CCBE1: variants seen among roughly 807,000 people sequenced by gnomAD.
CCBE1 encodes collagen and calcium binding EGF domains 1.
CCBE1 carries 37 observed loss-of-function variants against 50.0 expected under a neutral mutation model. The ratio of observed to expected loss-of-function variants is 0.74; its 90% CI spans 0.57 to 0.97. The LOEUF (loss-of-function observed/expected upper bound fraction) is 0.97. CCBE1 is among the 50% of genes least tolerant of loss of function. CCBE1 has a pLI of 0.00. For missense variants in CCBE1, 538 were observed against 523.8 expected, an observed-to-expected ratio of 1.03 and a Z score of -0.26; for synonymous variants, 234 against 203.7, an observed-to-expected ratio of 1.15 and a Z score of -1.27.
At chr18:59,536,699 G>A (rs1915262154) in intron 2 of CCBE1, among the ~76,000 whole-genome samples, 2 of 152,086 alleles carry the variant, frequency 1.3e-5, no homozygotes, top group Admixed American at 1.3e-4. Context: ...AGAAAATAAA[G>A]GAACATTTGG....
chr18:59,546,532 C>T (rs1915690175), intron 2 of CCBE1, among the ~76,000 whole-genome samples: 2 of 152,294 alleles, frequency 1.3e-5, no homozygotes, highest in South Asian at 2.1e-4. Flanking sequence ...CAGGAAAGGC[C>T]ATATGAAGAA....
intron 2 of CCBE1, among the ~76,000 whole-genome samples, chr18:59,631,377 T>C (rs563567653): frequency 1.3e-5 from 2 of 152,276 alleles, no homozygotes; most frequent in African/African-American, 2.4e-5. Flanking sequence ...ACTTCCTTTG[T>C]TGGCTGTGAA....
chr18:59,553,535 A>T lies in CCBE1; in HGVS notation c.213-73297T>A, dbSNP rs899050395. Among the ~76,000 whole-genome samples the T allele has an allele frequency of 2.0e-5, 3 of 152,310 alleles. No homozygotes were observed. The East Asian group carries it at 5.8e-4, about 29-fold the overall frequency. On this transcript the variant is annotated intron_variant, in intron 2 of 10. Coordinates refer to ENST00000439986, the MANE Select transcript of CCBE1 (RefSeq NM_133459.4). ...GAGTCGTAGCTGCTGGGAAATGTTG[A>T]TAGTGCCTTTTCAATAGCATCATAA...
chr18:59,632,198 G>C (rs986665028), intron 2 of CCBE1, among the ~76,000 whole-genome samples: 4 of 152,142 alleles, frequency 2.6e-5, no homozygotes, highest in African/African-American at 9.7e-5. Flanking sequence ...CCCAAAAATG[G>C]CACAATGGCC....
At chr18:59,644,718 T>C (rs2054032544) in intron 2 of CCBE1, among the ~76,000 whole-genome samples, 1 of 151,944 alleles carries the variant, frequency 6.6e-6, no homozygotes, top group Non-Finnish European at 1.5e-5. Context: ...CTCCTATTTC[T>C]CCCCCCACAC....
intron 2 of CCBE1, among the ~76,000 whole-genome samples, chr18:59,668,893 C>A (rs148281257): frequency 1.5e-5 from 2 of 137,558 alleles, no homozygotes; most frequent in Admixed American, 1.6e-4. Flanking sequence ...GATGTGATCT[C>A]GGCTCACTGC....
At chr18:59,492,604 G>A (rs1194768967) in intron 2 of CCBE1, among the ~76,000 whole-genome samples, 9 of 152,152 alleles carry the variant, frequency 5.9e-5, no homozygotes, top group East Asian at 1.9e-4. Flanking sequence ...ACAATGTGAC[G>A]TCAATGCCCT....
At chr18:59,471,552 A>T (rs1912035417) in intron 3 of CCBE1, among the ~76,000 whole-genome samples, 1 of 152,180 alleles carries the variant, frequency 6.6e-6, no homozygotes, top group South Asian at 2.1e-4. Context: ...CTTCTTGAAG[A>T]CCTTTTTGTC....
At chr18:59,635,768 AAT>A (rs1448541523) in intron 2 of CCBE1, among the ~76,000 whole-genome samples, 1 of 152,138 alleles carries the variant, frequency 6.6e-6, no homozygotes, top group Non-Finnish European at 1.5e-5. Flanking sequence ...AGGAAAGTAA[AAT>A]AAAGGCAGCA....
At chr18:59,527,882 C>T (rs1914891663) in intron 2 of CCBE1, among the ~76,000 whole-genome samples, 1 of 152,154 alleles carries the variant, frequency 6.6e-6, no homozygotes, top group Non-Finnish European at 1.5e-5. Context: ...TGTAGGTGAC[C>T]TAGTGTTTCT....
chr18:59,494,090 C>T (rs1203690157), intron 2 of CCBE1, among the ~76,000 whole-genome samples: 1 of 152,190 alleles, frequency 6.6e-6, no homozygotes, highest in Non-Finnish European at 1.5e-5. Context: ...AATGGACTAA[C>T]ACACCTGGCT....
intron 2 of CCBE1, among the ~76,000 whole-genome samples, chr18:59,486,689 G>C (rs988850210): frequency 2.6e-5 from 4 of 152,152 alleles, no homozygotes; most frequent in African/African-American, 9.7e-5. Flanking sequence ...AGAAGCACCA[G>C]CTATTAAGGA....
intron 2 of CCBE1, among the ~76,000 whole-genome samples, chr18:59,511,766 T>C (rs1227677916): frequency 6.6e-6 from 1 of 152,230 alleles, no homozygotes; most frequent in African/African-American, 2.4e-5. Flanking sequence ...ATTGATGTCA[T>C]CAGCAGGCTG....
chr18:59,665,823 A>G (rs1040389915), intron 2 of CCBE1, among the ~76,000 whole-genome samples: 14 of 152,200 alleles, frequency 9.2e-5, no homozygotes, highest in Non-Finnish European at 1.2e-4. Flanking sequence ...TTTGCTTTGC[A>G]GCTATTACTG....
At chr18:59,562,377 T>C (rs1185761698) in intron 2 of CCBE1, among the ~76,000 whole-genome samples, 1 of 152,088 alleles carries the variant, frequency 6.6e-6, no homozygotes, top group African/African-American at 2.4e-5. Context: ...GGTAATCCTC[T>C]CCCACCACAG....
intron 2 of CCBE1, among the ~76,000 whole-genome samples, chr18:59,519,995 T>G (rs1289019179): frequency 6.6e-6 from 1 of 152,214 alleles, no homozygotes; most frequent in African/African-American, 2.4e-5. Context: ...ATGTGTGGTG[T>G]TATTTCTGAG....
chr18:59,512,425 G>A (rs952337317), intron 2 of CCBE1, among the ~76,000 whole-genome samples: 15 of 152,240 alleles, frequency 9.9e-5, no homozygotes, highest in African/African-American at 3.6e-4. Flanking sequence ...GGGCACTGAA[G>A]CAAAGAGCAA....
chr18:59,625,207 G>A (rs1238892353), intron 2 of CCBE1, among the ~76,000 whole-genome samples: 1 of 152,154 alleles, frequency 6.6e-6, no homozygotes, highest in East Asian at 1.9e-4. Context: ...TGAGGCGGGT[G>A]GATCACAAGG....
At chr18:59,486,616 G>A (rs1162432688) in intron 2 of CCBE1, among the ~76,000 whole-genome samples, 2 of 152,154 alleles carry the variant, frequency 1.3e-5, no homozygotes, top group Non-Finnish European at 2.9e-5. Context: ...GAGGCTCCAG[G>A]GGTGGCTACC....
Sources: gnomAD v4.1 joint callset for allele counts (sites outside exome capture counted in the v4.1 genomes callset) on GRCh38, gnomAD v4.1.1 for gene constraint, MANE v1.5 for transcripts, NCBI Gene and HGNC (gene_info 2026-07-23, HGNC 2026-07-21) for gene names.